RBFOX1: variants seen among roughly 807,000 people sequenced by gnomAD.
The protein encoded by RBFOX1 is RNA binding protein fox-1 homolog 1.
Under a neutral mutation model 57.7 loss-of-function variants are expected in RBFOX1, and 8 were observed. The observed-to-expected ratio is 0.14, with a 90% CI of 0.08 to 0.25. The LOEUF (loss-of-function observed/expected upper bound fraction) is 0.25, where lower values mean the gene tolerates loss of function less well. RBFOX1 is among the 10% of genes least tolerant of loss of function. RBFOX1 has a pLI of 1.00. For synonymous variants in RBFOX1, 326 were observed against 222.4 expected (o/e 1.47, Z -4.15); for missense variants, 611 against 548.5 (o/e 1.11, Z -1.14).
intron 4 of RBFOX1, among the ~76,000 whole-genome samples, chr16:7,478,006 C>G (rs1477962847): frequency 6.6e-6 from 1 of 152,144 alleles, no homozygotes; most frequent in East Asian, 1.9e-4. Flanking sequence ...ATTCCTCCTT[C>G]TCTCTACACT....
At chr16:5,620,155 C>T (rs137929704) in intron 3 of RBFOX1, among the ~76,000 whole-genome samples, 13 of 152,128 alleles carry the variant, frequency 8.5e-5, no homozygotes, top group African/African-American at 2.4e-4. Flanking sequence ...GCTGCTGGAA[C>T]CCGAGGAGCT....
At chr16:6,020,702 G>GT (rs1337611160) in intron 1 of RBFOX1, among the ~76,000 whole-genome samples, 4 of 152,136 alleles carry the variant, frequency 2.6e-5, no homozygotes, top group Non-Finnish European at 4.4e-5. Flanking sequence ...GCAGGCCAGG[G>GT]GGGGGCTTGT....
chr16:6,693,924 T>C (rs1446691970), intron 3 of RBFOX1, among the ~76,000 whole-genome samples: 1 of 152,258 alleles, frequency 6.6e-6, no homozygotes, highest in Non-Finnish European at 1.5e-5. Context: ...ATTGACTGTT[T>C]ACCCATATGA....
At position 7,562,760 on chromosome 16, in the gene RBFOX1, G is replaced by A. The variant is rs531826328; in HGVS notation, c.271-17017G>A. Reference sequence around the variant, plus strand: ...GGGAAGGAGGAGGAAGGTCCCAGAGGTTGCACCTCATCCCACTGATCCTAC... The same window carrying A: ...GGGAAGGAGGAGGAAGGTCCCAGAGATTGCACCTCATCCCACTGATCCTAC... On this transcript the variant is annotated intron_variant, in intron 5 of 15. Transcript: ENST00000550418. Among the ~76,000 whole-genome samples the A allele has an allele frequency of 3.9e-5, 6 of 152,336 alleles. No homozygotes were observed. In the South Asian group the frequency reaches 1.0e-3, roughly 26 times the overall value.
At chr16:6,706,602 T>A (rs2062788390) in intron 3 of RBFOX1, among the ~76,000 whole-genome samples, 1 of 152,178 alleles carries the variant, frequency 6.6e-6, no homozygotes, top group South Asian at 2.1e-4. Context: ...CTAATAGAGT[T>A]GTACTTGTTT....
At chr16:5,399,389 A>G (rs2066650906) in intron 1 of RBFOX1, among the ~76,000 whole-genome samples, 1 of 152,232 alleles carries the variant, frequency 6.6e-6, no homozygotes, top group Non-Finnish European at 1.5e-5. Flanking sequence ...AAATATATAA[A>G]TGCATTTAAT....
intron 4 of RBFOX1, among the ~76,000 whole-genome samples, chr16:7,212,452 A>G (rs939063095): frequency 6.6e-6 from 1 of 152,188 alleles, no homozygotes; most frequent in African/African-American, 2.4e-5. Context: ...ACTTGTATCC[A>G]TGCAGATGCT....
At chr16:7,543,357 A>G (rs2083472059) in intron 5 of RBFOX1, among the ~76,000 whole-genome samples, 1 of 152,234 alleles carries the variant, frequency 6.6e-6, no homozygotes, top group African/African-American at 2.4e-5. Flanking sequence ...GAGATCTGAT[A>G]GAAATTACAA....
intron 1 of RBFOX1, among the ~76,000 whole-genome samples, chr16:5,288,837 C>A (rs889525405): frequency 6.6e-6 from 1 of 152,028 alleles, no homozygotes; most frequent in Non-Finnish European, 1.5e-5. Context: ...AACCATAAAA[C>A]TCATATAGGC....
intron 1 of RBFOX1, among the ~76,000 whole-genome samples, chr16:5,324,313 A>G (rs2064499108): frequency 6.6e-6 from 1 of 152,138 alleles, no homozygotes; most frequent in African/African-American, 2.4e-5. Context: ...AAATGCAAAA[A>G]TTAGCTGGGC....
intron 3 of RBFOX1, among the ~76,000 whole-genome samples, chr16:5,611,780 AT>A (rs1485600544): frequency 2.4e-5 from 2 of 84,032 alleles, no homozygotes; most frequent in African/African-American, 9.1e-5. Flanking sequence ...CCATCCATCC[AT>A]CCATCCATCC....
chr16:6,721,634 C>T (rs984465518), intron 3 of RBFOX1, among the ~76,000 whole-genome samples: 1 of 152,144 alleles, frequency 6.6e-6, no homozygotes, highest in Non-Finnish European at 1.5e-5. Flanking sequence ...TTCCACTTTC[C>T]CTCTTTGTGA....
At chr16:7,689,571 C>T (rs1392153416) in intron 14 of RBFOX1, among the ~76,000 whole-genome samples, 1 of 152,006 alleles carries the variant, frequency 6.6e-6, no homozygotes, top group Non-Finnish European at 1.5e-5. Context: ...AGAGTTGAAA[C>T]CCAGGAATCT....
chr16:6,887,135 T>A (rs1185804850), intron 3 of RBFOX1, among the ~76,000 whole-genome samples: 1 of 152,196 alleles, frequency 6.6e-6, no homozygotes, highest in Non-Finnish European at 1.5e-5. Flanking sequence ...CTTTACATTG[T>A]TATTGTTGAC....
intron 14 of RBFOX1, chr16:7,693,214 C>T (rs1294396208): frequency 5.5e-6 from 5 of 916,304 alleles, no homozygotes; most frequent in Non-Finnish European, 9.0e-6. Context: ...CATTCACACG[C>T]AGCACCCTTC....
intron 3 of RBFOX1, among the ~76,000 whole-genome samples, chr16:5,736,311 G>A (rs1265080915): frequency 6.6e-6 from 1 of 152,148 alleles, no homozygotes; most frequent in African/African-American, 2.4e-5. Flanking sequence ...CCTCCTTTGT[G>A]TCAGAATCAG....
chr16:6,730,576 G>T (rs1295958361), intron 3 of RBFOX1, among the ~76,000 whole-genome samples: 1 of 152,056 alleles, frequency 6.6e-6, no homozygotes, highest in African/African-American at 2.4e-5. Flanking sequence ...CCTATCTACA[G>T]TCCTGAAAAA....
intron 4 of RBFOX1, among the ~76,000 whole-genome samples, chr16:7,282,007 A>G (rs562351877): frequency 6.6e-6 from 1 of 152,024 alleles, no homozygotes; most frequent in East Asian, 1.9e-4. Flanking sequence ...CTGGGACCAC[A>G]GGCGCGTGCC....
chr16:6,219,361 C>T (rs900290377), intron 1 of RBFOX1, among the ~76,000 whole-genome samples: 1 of 152,160 alleles, frequency 6.6e-6, no homozygotes, highest in Non-Finnish European at 1.5e-5. Flanking sequence ...GGCCCAGCTA[C>T]TCTGGAGGTC....
Sources: allele counts gnomAD v4.1 joint callset (sites outside exome capture counted in the v4.1 genomes callset), GRCh38; gene constraint gnomAD v4.1.1; transcripts MANE v1.5; gene names NCBI Gene and HGNC (gene_info 2026-07-23, HGNC 2026-07-21).